The following PPIL2 variants were observed in gnomAD, a reference collection of about 807,000 sequenced individuals.
The protein encoded by PPIL2 is RING-type E3 ubiquitin-protein ligase PPIL2.
PPIL2 carries 50 observed loss-of-function variants against 75.2 expected under a neutral mutation model. The observed-to-expected ratio is 0.66, with a 90% CI of 0.53 to 0.84. PPIL2 has a LOEUF of 0.84. Among genes scored for constraint, PPIL2 ranks in the 40% least tolerant of loss-of-function variants. The pLI is 0.00. For synonymous variants in PPIL2, 245 were observed against 258.8 expected (o/e 0.95, Z 0.51); for missense variants, 590 against 685.0 (o/e 0.86, Z 1.55).
Position 21,687,730 on chromosome 22 carries a change from G to A in PPIL2, c.985G>A (p.Val329Met). 1 of 1,612,502 alleles carries A rather than the reference G, an allele frequency of 6.2e-7. No individual in the cohort carries two copies. Among genetic ancestry groups the A allele is most frequent in the African/African-American group, 1.3e-5 (1 of 75,016 alleles). ...CTTCCACAGATCCATCCGGAACTTT[G>A]TGGTGAGTGACGAGAGTCACTGGCT... Reference protein sequence around the residue: ...TIFHRSIRNFVIQGGDPTGTG... With the variant: ...TIFHRSIRNFMIQGGDPTGTG... Residue 329 changes from valine to methionine, a missense_variant and splice_region_variant, in exon 13 of 20, where the codon GTG becomes ATG. Physicochemically the swap from Val to Met is conservative, Grantham distance 21. Transcript: ENST00000398831.
At chr22:21,688,009 G>A (rs2067448326) in intron 13 of PPIL2, 64 bp from the exon 14 acceptor site, 4 of 1,605,374 alleles carry the variant, frequency 2.5e-6, no homozygotes, top group Admixed American at 1.7e-5. Flanking sequence ...GTGTCCTTCA[G>A]TCAGGCAGGC....
In PPIL2 at chr22:21,695,027, A is replaced by T. The variant is rs369767471; in HGVS notation, c.1423A>T (p.Thr475Ser). The change falls in exon 19 of 20, where the codon ACC (threonine) becomes TCC (serine). Residue 475 changes from threonine to serine, a missense_variant. Coordinates refer to ENST00000398831, the MANE Select transcript of PPIL2 (RefSeq NM_014337.4). ...CCAGGCAGGGAGCCAGGGCCCCCAG[A>T]CCTTCCGCCAGGGCGTGGGCAAGTA... is the stretch of plus-strand genomic sequence containing the variant. ...QPQAGSQGPQ[T>S]FRQGVGKYIN... 6.2e-7 allele frequency: 1 copy of T among 1,612,448 alleles called. No individual in the cohort carries two copies. The highest frequency in any genetic ancestry group is 1.3e-5 in the African/African-American group (1 of 74,928).
In PPIL2 at chr22:21,686,494, C is replaced by A. The variant is rs2067367922; in HGVS notation, c.726C>A (p.Ser242=). The A allele has an allele frequency of 6.2e-7, 1 of 1,614,004 alleles. No individual in the cohort carries two copies. Among genetic ancestry groups the A allele is most frequent in the Non-Finnish European group, 8.5e-7 (1 of 1,179,994 alleles). Residue 242 remains serine (S), a synonymous_variant, in exon 11 of 20, where the codon TCC becomes TCA. Transcript: ENST00000398831. ...KVDKLNAAHY[S]TGKVSASFTS... Reference sequence around the variant, plus strand: ...GGTTTCCTTGGCAGGCCCACTATTCCACAGGGAAGGTCAGCGCTTCCTTCA... The same window carrying A: ...GGTTTCCTTGGCAGGCCCACTATTCAACAGGGAAGGTCAGCGCTTCCTTCA...
At chr22:21,692,377 A>C (rs979321094) in intron 15 of PPIL2, among the ~76,000 whole-genome samples, 22 of 150,916 alleles carry the variant, frequency 1.5e-4, no homozygotes, top group Non-Finnish European at 2.4e-4. Flanking sequence ...GATGGTCTCG[A>C]TCTCCTGACC....
At chr22:21,684,026 G>A (rs2148542001) in intron 9 of PPIL2, among the ~76,000 whole-genome samples, 1 of 151,672 alleles carries the variant, frequency 6.6e-6, no homozygotes, top group South Asian at 2.1e-4. Flanking sequence ...TGGGCAACAT[G>A]GGGACACCCT....
intron 7 of PPIL2, among the ~76,000 whole-genome samples, chr22:21,682,012 T>C (rs2067148400): frequency 6.6e-6 from 1 of 152,222 alleles, no homozygotes; most frequent in Admixed American, 6.5e-5. Flanking sequence ...CAAACTGGCA[T>C]GGTCAGTCCT....
intron 16 of PPIL2, 111 bp from the exon 17 acceptor site, chr22:21,694,479 GACC>G: frequency 8.5e-7 from 1 of 1,178,192 alleles, no homozygotes; most frequent in Middle Eastern, 2.7e-4. Context: ...GCTGCCCAAG[GACC>G]ACCAGGCCAG....
intron 3 of PPIL2, 125 bp downstream of exon 3, chr22:21,670,736 T>G: frequency 8.9e-7 from 1 of 1,117,708 alleles, no homozygotes. Flanking sequence ...GCCCTTCAGT[T>G]CATGTTGGGA....
intron 1 of PPIL2, among the ~76,000 whole-genome samples, chr22:21,667,764 AATTTTTT>A (rs1413150749): frequency 3.3e-5 from 4 of 120,870 alleles, no homozygotes; most frequent in African/African-American, 9.5e-5. Flanking sequence ...AGACATCTCA[AATTTTTT>A]TTTTTTTTTT....
intron 5 of PPIL2, among the ~76,000 whole-genome samples, chr22:21,674,526 G>C (rs993123203): frequency 2.6e-5 from 4 of 152,300 alleles, no homozygotes; most frequent in Middle Eastern, 3.4e-3. Context: ...GGGAGGCTCA[G>C]GTGGGCAGAT....
intron 6 of PPIL2, among the ~76,000 whole-genome samples, chr22:21,680,364 T>A (rs1314091563): frequency 2.0e-5 from 3 of 151,978 alleles, no homozygotes; most frequent in Non-Finnish European, 4.4e-5. Context: ...CTGTCTCTAC[T>A]AAAAATACAA....
intron 2 of PPIL2, 49 bp from the exon 3 acceptor site, chr22:21,670,517 A>C (rs1239389691): frequency 1.9e-6 from 3 of 1,555,834 alleles, no homozygotes; most frequent in African/African-American, 2.7e-5. Flanking sequence ...CACATAGATG[A>C]AATACTTTAC....
chr22:21,684,913 T>C lies in PPIL2; in HGVS notation c.714T>C (p.Ala238=), dbSNP rs1363475138. The change falls in exon 10 of 20, where the codon GCT becomes GCC. Residue 238 remains alanine, a splice_region_variant and synonymous_variant. Coordinates refer to ENST00000398831, the MANE Select transcript of PPIL2 (RefSeq NM_014337.4). ...PEKKKVDKLN[A]AHYSTGKVSA... Reference sequence around the variant, plus strand: ...AGAAGAAAGTGGACAAGCTGAACGCTGTGAGTGGCGGAGGGCACTCGGCCA... The same window carrying C: ...AGAAGAAAGTGGACAAGCTGAACGCCGTGAGTGGCGGAGGGCACTCGGCCA... 4 of 1,613,620 alleles carry C rather than the reference T, an allele frequency of 2.5e-6. No individual in the cohort carries two copies. Among genetic ancestry groups the C allele is most frequent in the Non-Finnish European group, 3.4e-6 (4 of 1,179,708 alleles).
intron 16 of PPIL2, among the ~76,000 whole-genome samples, chr22:21,694,313 G>A (rs1389526649): frequency 2.0e-5 from 3 of 152,166 alleles, no homozygotes; most frequent in African/African-American, 4.8e-5. Flanking sequence ...CCAAACCAGC[G>A]GGGAGAGCAC....
chr22:21,673,049 C>T (rs1025926523), intron 5 of PPIL2, among the ~76,000 whole-genome samples: 7 of 152,308 alleles, frequency 4.6e-5, no homozygotes, highest in East Asian at 1.9e-4. Flanking sequence ...TCCAAGGCTT[C>T]CCTGCTCTCC....
intron 2 of PPIL2, chr22:21,670,170 A>C: frequency 1.1e-6 from 1 of 917,150 alleles, no homozygotes; most frequent in Non-Finnish European, 1.6e-6. Context: ...AATGTAATTT[A>C]AAATATTCCC....
At chr22:21,672,414 A>T in intron 5 of PPIL2, 33 bp downstream of exon 5, 1 of 1,560,878 alleles carries the variant, frequency 6.4e-7, no homozygotes, top group Non-Finnish European at 8.8e-7. Flanking sequence ...CAGTGATGCT[A>T]GTGAATGCTA....
intron 13 of PPIL2, 97 bp downstream of exon 13, chr22:21,687,829 C>A: frequency 7.9e-7 from 1 of 1,264,196 alleles, no homozygotes; most frequent in Non-Finnish European, 1.1e-6. Flanking sequence ...CCTGGCCCAT[C>A]CCACGGTGGC....
chr22:21,666,742 G>A (rs539603036), intron 1 of PPIL2, among the ~76,000 whole-genome samples: 1 of 152,270 alleles, frequency 6.6e-6, no homozygotes, highest in Non-Finnish European at 1.5e-5. Context: ...CCGGGAGGCG[G>A]AGGTTGCGGT....
Sources: gnomAD v4.1 joint callset for allele counts (sites outside exome capture counted in the v4.1 genomes callset) on GRCh38, gnomAD v4.1.1 for gene constraint, MANE v1.5 for transcripts, NCBI Gene and HGNC (gene_info 2026-07-23, HGNC 2026-07-21) for gene names.